Variants in PARD3B observed in about 807,000 individuals in gnomAD.
PARD3B encodes par-3 family cell polarity regulator beta.
PARD3B carries 103 observed loss-of-function variants against 130.2 expected under a neutral mutation model. The ratio of observed to expected loss-of-function variants is 0.79; its 90% CI spans 0.67 to 0.93. The LOEUF is 0.93. Ranked by LOEUF, PARD3B falls within the 40% of genes least tolerant of loss-of-function variation. PARD3B has a pLI of 0.00. For synonymous variants in PARD3B, 583 were observed against 553.2 expected (o/e 1.05, Z -0.76); for missense variants, 1,609 against 1,499.2 (o/e 1.07, Z -1.21).
chr2:205,224,178 G>T (rs1020516186), intron 15 of PARD3B, among the ~76,000 whole-genome samples: 10 of 150,310 alleles, frequency 6.7e-5, no homozygotes, highest in Non-Finnish European at 1.3e-4. Context: ...GACCATCCTG[G>T]AGAACATGGT....
intron 15 of PARD3B, among the ~76,000 whole-genome samples, chr2:205,197,955 T>A (rs2036785618): frequency 6.6e-6 from 1 of 152,226 alleles, no homozygotes; most frequent in Non-Finnish European, 1.5e-5. Flanking sequence ...GTTGGCAGTA[T>A]GCCAGGAAGT....
chr2:204,821,868 CCT>C (rs2043372935), intron 2 of PARD3B, among the ~76,000 whole-genome samples: 1 of 152,086 alleles, frequency 6.6e-6, no homozygotes, highest in South Asian at 2.1e-4. Context: ...GTCCATTAAA[CCT>C]CTTTTTCTTC....
At chr2:205,316,434 C>T (rs1244689614) in intron 18 of PARD3B, among the ~76,000 whole-genome samples, 1 of 151,966 alleles carries the variant, frequency 6.6e-6, no homozygotes, top group Non-Finnish European at 1.5e-5. Context: ...CCCTGAAGTA[C>T]TTTAAAAATA....
intron 2 of PARD3B, among the ~76,000 whole-genome samples, chr2:204,726,337 C>CA (rs2039226723): frequency 6.6e-6 from 1 of 152,154 alleles, no homozygotes; most frequent in Non-Finnish European, 1.5e-5. Flanking sequence ...GGTTCATCCT[C>CA]ACTCATCCCT....
rs528944067 is a variant in PARD3B at position 204,567,419 on chromosome 2, A to G, written c.120+21300A>G. On this transcript the variant is annotated intron_variant, in intron 1 of 22. Transcript: ENST00000406610. The stretch of plus-strand genomic sequence containing the variant: ...GACAACCACCATTTACTTTCTGTCT[A>G]TGAATTTGACTACTCTAGATACCTC... Among the ~76,000 whole-genome samples the G allele has an allele frequency of 7.2e-5, 11 of 152,292 alleles. No homozygotes were observed. In the South Asian group the frequency reaches 1.2e-3, roughly 17 times the overall value.
Position 205,571,647 on chromosome 2 carries a change from C to T in PARD3B, c.3260+18244C>T, listed in dbSNP as rs570213658. 5.9e-5 allele frequency among the ~76,000 whole-genome samples: 9 copies of T among 152,296 alleles called. No individual in the cohort carries two copies. In the South Asian group the frequency reaches 1.9e-3, roughly 32 times the overall value. On this transcript the variant is annotated intron_variant, in intron 22 of 22. Coordinates refer to ENST00000406610, the MANE Select transcript of PARD3B (RefSeq NM_001302769.2). ...AGGACTAACAGGGTTTGGCTTTTAT[C>T]AACCTTACTAATAAAAGTCACTTGG...
At chr2:205,607,766 C>T (rs2055054710) in intron 22 of PARD3B, among the ~76,000 whole-genome samples, 1 of 150,978 alleles carries the variant, frequency 6.6e-6, no homozygotes, top group African/African-American at 2.4e-5. Flanking sequence ...AAGACAATTG[C>T]CGTGGCAGGA....
At chr2:204,973,505 AT>A (rs1559315195) in intron 3 of PARD3B, among the ~76,000 whole-genome samples, 2 of 71,984 alleles carry the variant, frequency 2.8e-5, no homozygotes, top group South Asian at 7.4e-4. Context: ...AGCCTTTAAG[AT>A]TTTTTTTTTC....
chr2:204,731,249 T>A (rs2039494840), intron 2 of PARD3B, among the ~76,000 whole-genome samples: 1 of 152,202 alleles, frequency 6.6e-6, no homozygotes, highest in Admixed American at 6.5e-5. Context: ...GGCTCTTATT[T>A]ATTGTGGATT....
chr2:205,008,321 A>T (rs1695444112), intron 3 of PARD3B, among the ~76,000 whole-genome samples: 1 of 151,020 alleles, frequency 6.6e-6, no homozygotes, highest in Non-Finnish European at 1.5e-5. Context: ...AAAGGAGTAG[A>T]CTTTTCACTT....
At chr2:205,615,051 G>C (rs1318747085) in intron 22 of PARD3B, among the ~76,000 whole-genome samples, 1 of 152,126 alleles carries the variant, frequency 6.6e-6, no homozygotes, top group East Asian at 1.9e-4. Flanking sequence ...GCCTTGTTTA[G>C]GAAACTAGTT....
intron 2 of PARD3B, among the ~76,000 whole-genome samples, chr2:204,814,719 C>T (rs1450310306): frequency 6.6e-6 from 1 of 151,582 alleles, no homozygotes; most frequent in Non-Finnish European, 1.5e-5. Flanking sequence ...TCCCTTTTTC[C>T]AGTTTCCTTC....
At chr2:205,401,161 C>G in intron 19 of PARD3B, 38 bp downstream of exon 19, 1 of 1,475,592 alleles carries the variant, frequency 6.8e-7, no homozygotes, top group Non-Finnish European at 9.3e-7. Context: ...TTCTTTGACT[C>G]TATGGTCTGG....
At chr2:204,629,113 G>C (rs1281196956) in intron 1 of PARD3B, among the ~76,000 whole-genome samples, 1 of 152,116 alleles carries the variant, frequency 6.6e-6, no homozygotes, top group Non-Finnish European at 1.5e-5. Context: ...GTTGGACACT[G>C]TCCAAAGCTT....
intron 3 of PARD3B, among the ~76,000 whole-genome samples, chr2:205,034,019 A>G (rs1459007806): frequency 6.6e-6 from 1 of 152,136 alleles, no homozygotes; most frequent in Non-Finnish European, 1.5e-5. Flanking sequence ...AATCGTGTTT[A>G]TTTTAAAATA....
At chr2:204,915,775 T>C (rs11884561) in intron 2 of PARD3B, among the ~76,000 whole-genome samples, 66,725 of 152,084 alleles carry the variant, frequency 0.44, 16,425 homozygotes, top group African/African-American at 0.65. Flanking sequence ...CGAGGCACCC[T>C]GTTCACTAGG....
chr2:205,530,238 C>T lies in PARD3B; in HGVS notation c.3181-23086C>T, dbSNP rs1031959685. Among the ~76,000 whole-genome samples, 4 of 152,234 alleles carry T rather than the reference C, an allele frequency of 2.6e-5. No individual in the cohort carries two copies. Among genetic ancestry groups the T allele is most frequent in the South Asian group, 2.1e-4 (1 of 4,822 alleles). On this transcript the variant is annotated intron_variant, in intron 21 of 22. Transcript: ENST00000406610. The surrounding 1 kb of genome is among the most constrained non-coding windows in gnomAD (Gnocchi z 4.7). ...TGTTTCTAGTGAAGTTTGGAGAAAA[C>T]GTATTATCCTAATATGCTTGAGACC...
chr2:204,847,687 T>C (rs1247577458), intron 2 of PARD3B, among the ~76,000 whole-genome samples: 2 of 152,152 alleles, frequency 1.3e-5, no homozygotes, highest in African/African-American at 2.4e-5. Context: ...TCAGCTGTGG[T>C]AGTACTTCAG....
intron 1 of PARD3B, among the ~76,000 whole-genome samples, chr2:204,649,615 C>T (rs1208234360): frequency 1.3e-5 from 2 of 151,794 alleles, no homozygotes; most frequent in African/African-American, 4.8e-5. Context: ...GGGCTGCACA[C>T]CTACAATTAT....
Sources: allele counts gnomAD v4.1 joint callset (sites outside exome capture counted in the v4.1 genomes callset), GRCh38; gene constraint gnomAD v4.1.1; non-coding constraint Gnocchi (gnomAD v3.1); transcripts MANE v1.5; gene names NCBI Gene and HGNC (gene_info 2026-07-23, HGNC 2026-07-21).